Variants in ASB18 observed in about 807,000 individuals in gnomAD.
ASB18 encodes the protein ankyrin repeat and SOCS box containing 18.
In ASB18, 33 loss-of-function variants were observed where a neutral mutation model predicts 33.4. That is an observed-to-expected ratio of 0.99 (90% confidence interval 0.75 to 1.32). ASB18 has a LOEUF of 1.32. ASB18 is among the 40% of genes most tolerant of loss of function. The probability of loss-of-function intolerance (pLI) is 0.00; values close to 1 mark genes in which losing one functional copy is unlikely to be tolerated. For missense variants in ASB18, 694 were observed against 655.5 expected (o/e 1.06, Z -0.64); for synonymous variants, 295 against 307.6 (o/e 0.96, Z 0.43).
rs1350598760 is a variant in ASB18, at chr2:236,223,464, TA to T, written c.597-8599del. Among the ~76,000 whole-genome samples the T allele has an allele frequency of 2.6e-5, 4 of 152,092 alleles. No homozygotes were observed. Among genetic ancestry groups the T allele is most frequent in the Non-Finnish European group, 4.4e-5 (3 of 68,008 alleles). ...ACTCTATTAGCTTCTTAGACAGGGATAGGGGTGAGGTGGGGGGAGCTTTAAA... is the reference window on the plus strand; with the variant it reads ...ACTCTATTAGCTTCTTAGACAGGGATGGGGTGAGGTGGGGGGAGCTTTAAA... On this transcript the variant is annotated intron_variant, in intron 3 of 5. Coordinates refer to ENST00000409749, the MANE Select transcript of ASB18 (RefSeq NM_212556.4). This position sits in a 1 kb window ranked among gnomAD's most constrained non-coding sequence, Gnocchi z 4.6.
chr2:236,243,598 C>A (rs966678746), intron 1 of ASB18, among the ~76,000 whole-genome samples: 8 of 152,048 alleles, frequency 5.3e-5, no homozygotes, highest in African/African-American at 1.9e-4. Context: ...AAGACATGAT[C>A]TGGGGCCCTG....
At position 236,214,517 on chromosome 2, in the gene ASB18, C is replaced by T. The variant is rs2060475855; in HGVS notation, c.946G>A (p.Gly316Ser). ...TAGTCGAGCGCGCCCGCGTCGGCGC[C>T]GTGCCGCAGTAGGAGGCGCGCCAGG... is the stretch of plus-strand genomic sequence containing the variant. Reference protein sequence around the residue: ...HSLARLLLRHGADAGALDYGG... With the variant: ...HSLARLLLRHSADAGALDYGG... Residue 316 changes from glycine (G) to serine (S), a missense_variant, in exon 4 of 6, where the codon GGC becomes AGC. By Grantham distance (56) the Gly-to-Ser change is moderately conservative. Transcript: ENST00000409749. This position sits in a 1 kb window ranked among gnomAD's most constrained non-coding sequence, Gnocchi z 6.5. 3 of 1,461,374 alleles carry T rather than the reference C, an allele frequency of 2.1e-6. No homozygotes were observed. The highest frequency in any genetic ancestry group is 2.7e-6 in the Non-Finnish European group (3 of 1,118,498). 90.5% of individuals were successfully genotyped at this position (1,461,374 alleles called of 1,614,324 possible).
Position 236,214,892 on chromosome 2 carries a change from C to A in ASB18, c.597-26G>T, listed in dbSNP as rs533836717. On this transcript the variant is annotated intron_variant, in intron 3 of 5. Transcript: ENST00000409749. The surrounding 1 kb of genome is among the most constrained non-coding windows in gnomAD (Gnocchi z 6.5). Reference sequence around the variant, plus strand: ...CTGTGGGAAGCCAGGGCCTGTCACTCGGGCGCCACGCAGGACGCCCGCACC... The same window carrying A: ...CTGTGGGAAGCCAGGGCCTGTCACTAGGGCGCCACGCAGGACGCCCGCACC... 5 of 1,207,336 alleles carry A rather than the reference C, an allele frequency of 4.1e-6. No individual in the cohort carries two copies. Among genetic ancestry groups the A allele is most frequent in the Non-Finnish European group, 5.1e-6 (5 of 972,098 alleles). The allele number at this position is 1,207,336 out of a possible 1,614,324, so 74.8% of individuals were successfully genotyped here.
chr2:236,226,660 T>C lies in ASB18; in HGVS notation c.596+11029A>G, dbSNP rs1406966553. Among the ~76,000 whole-genome samples the C allele has an allele frequency of 2.0e-5, 3 of 152,188 alleles. No individual in the cohort carries two copies. The highest frequency in any genetic ancestry group is 4.4e-5 in the Non-Finnish European group (3 of 68,044). ...CTCCTTATGGTGTCCAAATGTAAGCTTGTTGGCGTCTCTTCAGCAGTGTTG... is the reference window on the plus strand; with the variant it reads ...CTCCTTATGGTGTCCAAATGTAAGCCTGTTGGCGTCTCTTCAGCAGTGTTG... On this transcript the variant is annotated intron_variant, in intron 3 of 5. Transcript: ENST00000409749. The surrounding 1 kb of genome is among the most constrained non-coding windows in gnomAD (Gnocchi z 4.8).
chr2:236,246,758 G>A (rs2060646646), intron 1 of ASB18, among the ~76,000 whole-genome samples: 1 of 152,028 alleles, frequency 6.6e-6, no homozygotes, highest in Non-Finnish European at 1.5e-5. Flanking sequence ...TTCTGTAGTT[G>A]CACTATTCAT....
chr2:236,230,638 G>T (rs891999263), intron 3 of ASB18, among the ~76,000 whole-genome samples: 1 of 151,644 alleles, frequency 6.6e-6, no homozygotes, highest in Non-Finnish European at 1.5e-5. Flanking sequence ...TACACATGAA[G>T]TAGAATAGTA....
rs1413804886 is a variant in ASB18, at chr2:236,195,749, C to G, written c.1215+523G>C. Among the ~76,000 whole-genome samples the G allele has an allele frequency of 1.3e-5, 2 of 152,186 alleles. No individual in the cohort carries two copies. Among genetic ancestry groups the G allele is most frequent in the Non-Finnish European group, 2.9e-5 (2 of 68,038 alleles). On this transcript the variant is annotated intron_variant, in intron 5 of 5. Transcript: ENST00000409749. This position sits in a 1 kb window ranked among gnomAD's most constrained non-coding sequence, Gnocchi z 5.5. ...CAGTCTGGTCTTGAACTCCTGACCT[C>G]AAGCGATCTGCCTGCCTTGGCCTCT...
chr2:236,230,911 CAG>C (rs951221148), intron 3 of ASB18, among the ~76,000 whole-genome samples: 108 of 152,112 alleles, frequency 7.1e-4, no homozygotes, highest in African/African-American at 2.5e-3. Flanking sequence ...AGTTAAAAAA[CAG>C]AGACTGTCAG....
intron 3 of ASB18, among the ~76,000 whole-genome samples, chr2:236,232,921 A>T (rs1055196637): frequency 6.6e-6 from 1 of 152,050 alleles, no homozygotes; most frequent in African/African-American, 2.4e-5. Context: ...TTCTCAAATT[A>T]TTTTTTCTCA....
In ASB18 at chr2:236,248,355, G is replaced by A. The variant is rs58835963; in HGVS notation, c.206-6953C>T. On this transcript the variant is annotated intron_variant, in intron 1 of 5. Transcript: ENST00000409749. The surrounding 1 kb of genome is among the most constrained non-coding windows in gnomAD (Gnocchi z 4.9). The stretch of plus-strand genomic sequence containing the variant: ...TGCCTGTAATCCCAGCACTTTAGGA[G>A]GCTGAGGCAGGTGGATCACCCGAGG... 6.6e-6 allele frequency: 1 copy of A among 152,264 alleles called. No individual in the cohort carries two copies. The highest frequency in any genetic ancestry group is 1.9e-4 in the East Asian group (1 of 5,162). 9.4% of individuals were successfully genotyped at this position (152,264 alleles called of 1,614,324 possible). A position where few individuals can be genotyped will look rare whatever the true frequency, so the allele number is the denominator to read the frequency against.
chr2:236,230,172 CAGT>C (rs927107321), intron 3 of ASB18, among the ~76,000 whole-genome samples: 1 of 151,636 alleles, frequency 6.6e-6, no homozygotes, highest in African/African-American at 2.4e-5. Flanking sequence ...AGTTAGAAGA[CAGT>C]AGAGTTATGG....
chr2:236,236,237 C>T (rs1196067930), intron 3 of ASB18, among the ~76,000 whole-genome samples: 1 of 152,174 alleles, frequency 6.6e-6, no homozygotes, highest in African/African-American at 2.4e-5. Context: ...CACACAGCAA[C>T]ACAGATGAAT....
chr2:236,215,185 A>G lies in ASB18; in HGVS notation c.597-319T>C, dbSNP rs542777139. 9.8e-5 allele frequency among the ~76,000 whole-genome samples: 15 copies of G among 152,286 alleles called. No homozygotes were observed. The highest frequency in any genetic ancestry group is 3.6e-4 in the African/African-American group (15 of 41,572). On this transcript the variant is annotated intron_variant, in intron 3 of 5. Transcript: ENST00000409749. The surrounding 1 kb of genome is among the most constrained non-coding windows in gnomAD (Gnocchi z 7.2). ...GATGTGGTTCAAATGACGGTGCTCC[A>G]TGCACTGGTTACCTGAGCTCTTTGT...
At position 236,261,236 on chromosome 2, in the gene ASB18, G is replaced by A. The variant is rs1163093070; in HGVS notation, c.205+2905C>T. 3.9e-5 allele frequency among the ~76,000 whole-genome samples: 6 copies of A among 152,160 alleles called. No individual in the cohort carries two copies. The East Asian group carries it at 1.2e-3, about 29-fold the overall frequency. Reference sequence around the variant, plus strand: ...CATGTGCAAGGTCACACAGGTCATGGGAGAGCTTAGGCAAGAACCTGGGTC... The same window carrying A: ...CATGTGCAAGGTCACACAGGTCATGAGAGAGCTTAGGCAAGAACCTGGGTC... On this transcript the variant is annotated intron_variant, in intron 1 of 5. Transcript: ENST00000409749.
Position 236,222,932 on chromosome 2 carries a change from C to A in ASB18, c.597-8066G>T, listed in dbSNP as rs13415398. Among the ~76,000 whole-genome samples, 58,383 of 151,996 alleles carry A rather than the reference C, an allele frequency of 0.38. 11,764 individuals are homozygous for A. The highest frequency in any genetic ancestry group is 0.52 in the African/African-American group (21,467 of 41,454). ...CTACTTGGGAAGCTGAAGCAGGAGACTCACTTGAGCCCTGGAGGTGGAGGT... is the reference window on the plus strand; with the variant it reads ...CTACTTGGGAAGCTGAAGCAGGAGAATCACTTGAGCCCTGGAGGTGGAGGT... On this transcript the variant is annotated intron_variant, in intron 3 of 5. Transcript: ENST00000409749. This position sits in a 1 kb window ranked among gnomAD's most constrained non-coding sequence, Gnocchi z 5.5.
In ASB18 at chr2:236,245,780, G is replaced by A. The variant is rs550741703; in HGVS notation, c.206-4378C>T. 3.6e-4 allele frequency among the ~76,000 whole-genome samples: 55 copies of A among 152,312 alleles called. No individual in the cohort carries two copies. Among genetic ancestry groups the A allele is most frequent in the African/African-American group, 1.2e-3 (48 of 41,580 alleles). Reference sequence around the variant, plus strand: ...CTCTCTGGGAAGTTCTTCATGCCCCGCATGGTGTTCCACACAGAGAAGGTC... The same window carrying A: ...CTCTCTGGGAAGTTCTTCATGCCCCACATGGTGTTCCACACAGAGAAGGTC... On this transcript the variant is annotated intron_variant, in intron 1 of 5. Transcript: ENST00000409749. The surrounding 1 kb of genome is among the most constrained non-coding windows in gnomAD (Gnocchi z 4.7).
rs1485209953 is a variant in ASB18 at position 236,196,387 on chromosome 2, T to C, written c.1102-2A>G. 3.2e-6 allele frequency: 5 copies of C among 1,540,514 alleles called. No individual in the cohort carries two copies. The highest frequency in any genetic ancestry group is 4.4e-6 in the Non-Finnish European group (5 of 1,135,776). ...GACAGATGCACAGGTCTTCAGCACCTGGTGGGAAGAGGTGAAAGACGCAGC... is the reference window on the plus strand; with the variant it reads ...GACAGATGCACAGGTCTTCAGCACCCGGTGGGAAGAGGTGAAAGACGCAGC... On this transcript the variant is annotated splice_acceptor_variant, in intron 4 of 5. Coordinates refer to ENST00000409749, the MANE Select transcript of ASB18 (RefSeq NM_212556.4). LOFTEE classifies it high-confidence loss of function. This position sits in a 1 kb window ranked among gnomAD's most constrained non-coding sequence, Gnocchi z 5.6.
At position 236,259,982 on chromosome 2, in the gene ASB18, G is replaced by C. The variant is rs779577145; in HGVS notation, c.205+4159C>G. On this transcript the variant is annotated intron_variant, in intron 1 of 5. Transcript: ENST00000409749. This position sits in a 1 kb window ranked among gnomAD's most constrained non-coding sequence, Gnocchi z 4.4. ...CCACTTTTTCTCTATGCTTTTTTTT[G>C]GTGATGTTGACATGGATGCATCAAA... is the stretch of plus-strand genomic sequence containing the variant. Among the ~76,000 whole-genome samples, 14 of 151,972 alleles carry C rather than the reference G, an allele frequency of 9.2e-5. No individual in the cohort carries two copies. Among genetic ancestry groups the C allele is most frequent in the East Asian group, 5.8e-4 (3 of 5,188 alleles).
Position 236,194,902 on chromosome 2 carries a change from T to G in ASB18, c.1371A>C (p.Leu457=), listed in dbSNP as rs1266389802. 1.9e-6 allele frequency: 3 copies of G among 1,613,396 alleles called. No homozygotes were observed. Among genetic ancestry groups the G allele is most frequent in the Admixed American group, 3.3e-5 (2 of 59,968 alleles). ...GCAAAACACCCTGTGGCTCCAAAAG[T>G]AGGTAATTCTGCAGGGGCTTTGGCA... is the stretch of plus-strand genomic sequence containing the variant. ...LPLPKPLQNY[L]LLEPQGVLH The change falls in exon 6 of 6, where the codon CTA becomes CTC. Residue 457 remains leucine, a synonymous_variant. Coordinates refer to ENST00000409749, the MANE Select transcript of ASB18 (RefSeq NM_212556.4). This position sits in a 1 kb window ranked among gnomAD's most constrained non-coding sequence, Gnocchi z 4.5.
Sources: allele counts gnomAD v4.1 joint callset (sites outside exome capture counted in the v4.1 genomes callset), GRCh38; gene constraint gnomAD v4.1.1; non-coding constraint Gnocchi (gnomAD v3.1); transcripts MANE v1.5; gene names NCBI Gene and HGNC (gene_info 2026-07-23, HGNC 2026-07-21).